The following STK11IP variants were observed in gnomAD, a reference collection of about 807,000 sequenced individuals.
STK11IP encodes serine/threonine kinase 11 interacting protein, also known as serine/threonine-protein kinase 11-interacting protein.
STK11IP carries 103 observed loss-of-function variants against 131.7 expected under a neutral mutation model. The ratio of observed to expected loss-of-function variants is 0.78; its 90% CI spans 0.67 to 0.92. The LOEUF (loss-of-function observed/expected upper bound fraction) is 0.92. STK11IP is among the 40% of genes least tolerant of loss of function. The probability of loss-of-function intolerance (pLI) is 0.00; values close to 1 mark genes in which losing one functional copy is unlikely to be tolerated. For synonymous variants in STK11IP, 557 were observed against 575.6 expected (o/e 0.97, Z 0.46); for missense variants, 1,315 against 1,385.7 (o/e 0.95, Z 0.81).
chr2:219,607,212 C>G, intron 13 of STK11IP, 75 bp downstream of exon 13: 1 of 1,404,184 alleles, frequency 7.1e-7, no homozygotes, highest in Non-Finnish European at 1.0e-6. Flanking sequence ...CAGTGAAGAT[C>G]TGCTGGAAGA....
chr2:219,611,917 C>T lies in STK11IP; in HGVS notation c.2336-38C>T, dbSNP rs371703682. The T allele has an allele frequency of 5.7e-6, 9 of 1,572,834 alleles. No individual in the cohort carries two copies. The African/African-American group carries it at 8.1e-5, about 14-fold the overall frequency. On this transcript the variant is annotated intron_variant, in intron 18 of 24. Transcript: ENST00000456909. ...GGGAGGTGGAGATGGAGCCCAGGGG[C>T]TGCCATGGGCAGGCTGATGCCCCCT...
At position 219,616,050 on chromosome 2, in the gene STK11IP, C is replaced by T. The variant is rs769117994; in HGVS notation, c.3124C>T (p.Arg1042Trp). ...LRLLFYDEVS[R>W]LESFWALRVV... is the part of the protein sequence containing the mutation. The stretch of plus-strand genomic sequence containing the variant: ...TAACTGCTCGGTCTGCCAGGTGTCC[C>T]GGCTGGAGAGCTTTTGGGCACTCCG... The change falls in exon 25 of 25, where the codon CGG becomes TGG. Residue 1042 changes from arginine (R) to tryptophan (W), a missense_variant. Physicochemically the swap from Arg to Trp is moderately radical, Grantham distance 101 (BLOSUM62 -3). Coordinates refer to ENST00000456909, the MANE Select transcript of STK11IP (RefSeq NM_052902.4). 13 of 1,613,426 alleles carry T rather than the reference C, an allele frequency of 8.1e-6. No homozygotes were observed. The highest frequency in any genetic ancestry group is 4.0e-5 in the African/African-American group (3 of 74,914).
Position 219,609,391 on chromosome 2 carries a change from C to T in STK11IP, c.1955C>T (p.Thr652Ile). 2 of 1,613,844 alleles carry T rather than the reference C, an allele frequency of 1.2e-6. No individual in the cohort carries two copies. Among genetic ancestry groups the T allele is most frequent in the South Asian group, 2.2e-5 (2 of 91,040 alleles). Residue 652 changes from threonine to isoleucine, a missense_variant, in exon 17 of 25, where the codon ACC becomes ATC. Coordinates refer to ENST00000456909, the MANE Select transcript of STK11IP (RefSeq NM_052902.4). ...QELLAVLTPV[T>I]NVAREQLGEA... ...CTGCTTGCCGTGTTGACCCCAGTCA[C>T]CAATGTGGCTCGGGAACAGCTTGGG...
chr2:219,609,075 C>G, intron 15 of STK11IP, 22 bp from the exon 16 acceptor site: 1 of 1,540,830 alleles, frequency 6.5e-7, no homozygotes, highest in Admixed American at 1.9e-5. Context: ...GTTTTTCACC[C>G]GGTCCCCCTC....
rs1440703115 is a variant in STK11IP, at chr2:219,612,069, C to G, written c.2439+11C>G. The G allele has an allele frequency of 6.3e-7, 1 of 1,586,828 alleles. No homozygotes were observed. Among genetic ancestry groups the G allele is most frequent in the Non-Finnish European group, 8.6e-7 (1 of 1,166,356 alleles). On this transcript the variant is annotated intron_variant, in intron 19 of 24. Transcript: ENST00000456909. ...CAGTGCTGCCTCAAGGTCTGTGCTC[C>G]CTGACACTGCCCATGCCCCCAGCTG...
At chr2:219,598,045 G>A in intron 1 of STK11IP, 49 bp from the exon 2 acceptor site, 1 of 1,565,534 alleles carries the variant, frequency 6.4e-7, no homozygotes, top group Non-Finnish European at 8.7e-7. Context: ...CTGGGCTTTT[G>A]GCACTACCGC....
intron 21 of STK11IP, 105 bp from the exon 22 acceptor site, chr2:219,614,056 T>C (rs1698496879): frequency 6.5e-7 from 1 of 1,533,310 alleles, no homozygotes; most frequent in African/African-American, 1.4e-5. Context: ...TTGTAGAAGT[T>C]TCTGAAATCC....
chr2:219,600,063 T>G (rs1326041231), intron 2 of STK11IP, among the ~76,000 whole-genome samples: 5 of 132,002 alleles, frequency 3.8e-5, no homozygotes, highest in African/African-American at 1.2e-4. Flanking sequence ...GTTTTTGTTT[T>G]TTTTTTTTTT....
At chr2:219,600,059 G>GTTTTT (rs57060581) in intron 2 of STK11IP, among the ~76,000 whole-genome samples, 199 of 91,688 alleles carry the variant, frequency 2.2e-3, no homozygotes, top group African/African-American at 4.2e-3. Context: ...TTTTGTTTTT[G>GTTTTT]TTTTTTTTTT....
chr2:219,613,791 T>TC lies in STK11IP; in HGVS notation c.2581dup (p.Leu861ProfsTer46). 3.1e-6 allele frequency: 5 copies of TC among 1,612,328 alleles called. No individual in the cohort carries two copies. Among genetic ancestry groups the TC allele is most frequent in the Non-Finnish European group, 4.2e-6 (5 of 1,179,654 alleles). On this transcript the variant is annotated frameshift_variant, in exon 21 of 25. Transcript: ENST00000456909. LOFTEE classifies it high-confidence loss of function. ...GCTGGCTGCAGCTGACCCTGGCTGT[T>TC]CCCCTGCAGGATCTGAGTGGCATAG...
In STK11IP at chr2:219,602,083, G is replaced by A. The variant is rs749207384; in HGVS notation, c.438G>A (p.Glu146=). ...GCAGCAGGAGCCTCCAGGCATTAGA[G>A]GTAAGGAGAGTGAGGGGTGAGCTCA... ...LICSRSLQAL[E]ELLSACGGDF... Residue 146 remains glutamate, a splice_region_variant and synonymous_variant, in exon 5 of 25, where the codon GAG becomes GAA. Transcript: ENST00000456909. The A allele has an allele frequency of 2.3e-5, 37 of 1,598,004 alleles. No individual in the cohort carries two copies. The highest frequency in any genetic ancestry group is 3.0e-5 in the Non-Finnish European group (35 of 1,172,068).
At position 219,608,714 on chromosome 2, in the gene STK11IP, C is replaced by T. The variant is rs369193971; in HGVS notation, c.1735C>T (p.Arg579Ter). The stretch of plus-strand genomic sequence containing the variant: ...ACTCCAAGCAGCTCGCACCTTGGAG[C>T]GACTGGAGCTCCAGAGTCTGGAGGC... The part of the protein sequence containing the change: ...VELQAARTLE[R>*]LELQSLEAAE... Residue 579 changes from arginine to a stop codon, truncating the protein, a stop_gained, in exon 15 of 25, where the codon CGA becomes TGA. Transcript: ENST00000456909. LOFTEE classifies it high-confidence loss of function. The T allele has an allele frequency of 1.4e-5, 22 of 1,613,018 alleles. 1 individual carries two copies. The highest frequency in any genetic ancestry group is 2.2e-5 in the East Asian group (1 of 44,874).
At chr2:219,598,605 A>C (rs1639437060) in intron 2 of STK11IP, 1 of 161,350 alleles carries the variant, frequency 6.2e-6, no homozygotes, top group South Asian at 1.9e-4. Context: ...CTGTTTCCTG[A>C]GGCTCAGTTT....
rs541533974 is a variant in STK11IP, at chr2:219,608,337, A to C, written c.1510A>C (p.Lys504Gln). The change falls in exon 14 of 25, where the codon AAG becomes CAG. Residue 504 changes from lysine to glutamine, a missense_variant. By Grantham distance (53) the Lys-to-Gln change is moderately conservative (BLOSUM62 1). Transcript: ENST00000456909. ...PQEEEEEKEG[K>Q]EEKEEGEMVE... ...GGAGGAGGAAGAGGAGAAGGAGGGG[A>C]AGGAGGAGAAGGAGGAGGGGGAGAT... 1 of 1,587,078 alleles carries C rather than the reference A, an allele frequency of 6.3e-7. No individual in the cohort carries two copies. The highest frequency in any genetic ancestry group is 1.1e-5 in the South Asian group (1 of 88,280).
In STK11IP at chr2:219,615,180, C is replaced by G. The variant is rs748673563; in HGVS notation, c.2956C>G (p.Pro986Ala). 1.3e-5 allele frequency: 21 copies of G among 1,599,620 alleles called. No homozygotes were observed. Among genetic ancestry groups the G allele is most frequent in the Non-Finnish European group, 1.7e-6 (2 of 1,175,746 alleles). ...GGATGCTGCAGGGTCCCCGGCAGAG[C>G]CCTCTCCTCCAGCAGCATCTGGCGA... Reference protein sequence around the residue: ...DEDAAGSPAEPSPPAASGEAS... With the variant: ...DEDAAGSPAEASPPAASGEAS... Residue 986 changes from proline (P) to alanine (A), a missense_variant, in exon 24 of 25, where the codon CCC becomes GCC. Coordinates refer to ENST00000456909, the MANE Select transcript of STK11IP (RefSeq NM_052902.4).
chr2:219,613,126 A>T lies in STK11IP; in HGVS notation c.2440-2A>T. ...TTTCTCACCAACTTCCTCTTCCCCC[A>T]GGTGCCAGTGGCATTGGCAGGCCAC... is the stretch of plus-strand genomic sequence containing the variant. On this transcript the variant is annotated splice_acceptor_variant, in intron 19 of 24. Coordinates refer to ENST00000456909, the MANE Select transcript of STK11IP (RefSeq NM_052902.4). LOFTEE classifies it high-confidence loss of function. 6.2e-7 allele frequency: 1 copy of T among 1,611,242 alleles called. No homozygotes were observed. The highest frequency in any genetic ancestry group is 1.7e-4 in the Middle Eastern group (1 of 6,050).
Position 219,608,489 on chromosome 2 carries a change from T to C in STK11IP, c.1603+59T>C, listed in dbSNP as rs560492764. 303 of 1,530,894 alleles carry C rather than the reference T, an allele frequency of 2.0e-4. 6 individuals carry two copies. The South Asian group carries it at 3.6e-3, about 18-fold the overall frequency. The allele number at this position is 1,530,894 out of a possible 1,614,324, so 94.8% of individuals were successfully genotyped here. ...CAGGGGCCCTTGGGATGTTTGTGAG[T>C]GGTGGGGCCTGGCGGGTGGAGGGCC... On this transcript the variant is annotated intron_variant, in intron 14 of 24. Transcript: ENST00000456909.
At chr2:219,615,037 C>T (rs1158342056) in intron 23 of STK11IP, 57 bp from the exon 24 acceptor site, 2 of 1,560,496 alleles carry the variant, frequency 1.3e-6, no homozygotes, top group Non-Finnish European at 1.7e-6. Context: ...GGGACGCTGG[C>T]CCCAGGGATC....
intron 1 of STK11IP, 39 bp downstream of exon 1, chr2:219,597,962 C>G (rs1697844907): frequency 3.1e-6 from 5 of 1,608,996 alleles, no homozygotes; most frequent in Non-Finnish European, 4.2e-6. Flanking sequence ...GAAAGGGCGG[C>G]CAGGAGGATG....
Sources: allele counts gnomAD v4.1 joint callset (sites outside exome capture counted in the v4.1 genomes callset), GRCh38; gene constraint gnomAD v4.1.1; transcripts MANE v1.5; gene names NCBI Gene and HGNC (gene_info 2026-07-23, HGNC 2026-07-21).